ATRX: variants seen among roughly 807,000 people sequenced by gnomAD.
ATRX encodes the protein ATRX chromatin remodeler, also known as chromatin remodeler ATRX.
In ATRX, 12 loss-of-function variants were observed where a neutral mutation model predicts 172.6. The observed-to-expected ratio is 0.07, with a 90% confidence interval of 0.04 to 0.11. ATRX has a LOEUF of 0.11. Ranked by LOEUF, ATRX falls within the 10% of genes least tolerant of loss-of-function variation. ATRX has a pLI of 1.00. For synonymous variants in ATRX, 674 were observed against 594.7 expected, an observed-to-expected ratio of 1.13 and a Z score of -1.94; for missense variants, 1,368 against 1,767.4, an observed-to-expected ratio of 0.77 and a Z score of 4.05.
rs149042349 is a variant in ATRX at position 77,542,163 on chromosome X, A to G, written c.6699+15288T>C. On this transcript the variant is annotated intron_variant, in intron 30 of 34. Transcript: ENST00000373344. ...GTGCAAAAATCACAAGCATTTCTAT[A>G]CACCAATAACAGACAAACATAGAGC... Among the ~76,000 whole-genome samples, 962 of 111,896 alleles carry G rather than the reference A, an allele frequency of 8.6e-3. 12 individuals are homozygous for G. Among genetic ancestry groups the G allele is most frequent in the African/African-American group, 0.03 (919 of 30,808 alleles).
chrX:77,603,955 A>C (rs1013795594), intron 22 of ATRX, among the ~76,000 whole-genome samples: 12 of 112,227 alleles, frequency 1.1e-4, no homozygotes, highest in Non-Finnish European at 2.3e-4. Flanking sequence ...CTGGACCATT[A>C]TCTCTAACCA....
chrX:77,766,337 T>A (rs2075931204), intron 1 of ATRX, among the ~76,000 whole-genome samples: 1 of 109,827 alleles, frequency 9.1e-6, no homozygotes, highest in Non-Finnish European at 1.9e-5. Context: ...CCCACCTCCC[T>A]CCTGGACGGG....
chrX:77,645,130 T>C (rs1405605687), intron 15 of ATRX, among the ~76,000 whole-genome samples: 1 of 111,251 alleles, frequency 9.0e-6, no homozygotes, highest in African/African-American at 3.3e-5. Flanking sequence ...AAAAAAAAGT[T>C]AGCTGAGGAT....
rs2072033020 is a variant in ATRX, at chrX:77,693,708, T to C, written c.484+116A>G. On this transcript the variant is annotated intron_variant, in intron 6 of 34. Transcript: ENST00000373344. ...AGAAACAGAAGTTATATTTAAGTAGTGCTTTTAATAAACAAAAGGCAGAAA... is the reference window on the plus strand; with the variant it reads ...AGAAACAGAAGTTATATTTAAGTAGCGCTTTTAATAAACAAAAGGCAGAAA... 1.3e-5 allele frequency: 7 copies of C among 559,772 alleles called. No individual in the cohort carries two copies. The Admixed American group carries it at 1.6e-4, about 13-fold the overall frequency. The allele number at this position is 559,772 out of a possible 1,213,427, so 46.1% of individuals were successfully genotyped here. A position where few individuals can be genotyped will look rare whatever the true frequency, so the allele number is the denominator to read the frequency against.
In ATRX at chrX:77,636,028, G is replaced by A. The variant is rs1557107890; in HGVS notation, c.4586C>T (p.Thr1529Ile). ...EVIEIEDASP[T>I]KCPITTKLVL... ...CAACTTGGTTGTTATTGGACACTTG[G>A]TGGGTGAAGCATCTTCAATTTCTAT... The change falls in exon 16 of 35, where the codon ACC (threonine) becomes ATC (isoleucine). Residue 1529 changes from threonine to isoleucine, a missense_variant. Physicochemically the swap from Thr to Ile is moderately conservative, Grantham distance 89. Transcript: ENST00000373344. 2 of 1,209,010 alleles carry A rather than the reference G, an allele frequency of 1.7e-6. No homozygotes were observed. The highest frequency in any genetic ancestry group is 3.5e-5 in the African/African-American group (2 of 57,189).
At chrX:77,616,240 A>G in intron 22 of ATRX, 1 of 846,416 alleles carries the variant, frequency 1.2e-6, no homozygotes, top group Non-Finnish European at 1.4e-6. Flanking sequence ...TGAGAAACAA[A>G]CTCATGAATT....
Position 77,683,935 on chromosome X carries a change from T to G in ATRX, c.1321A>C (p.Thr441Pro). The part of the protein sequence containing the change: ...EHKVIDAKFE[T>P]KARKGEKPCA... ...GGTTTTTCTCCTTTTCGTGCTTTTGTTTCAAACTTAGCATCTATGACTTTA... is the reference window on the plus strand; with the variant it reads ...GGTTTTTCTCCTTTTCGTGCTTTTGGTTCAAACTTAGCATCTATGACTTTA... Residue 441 changes from threonine (T) to proline (P), a missense_variant, in exon 9 of 35, where the codon ACA (threonine) becomes CCA (proline). Around this residue, in one of 17 missense-constraint regions of ATRX, gnomAD observed 843 missense variants for 643.1 expected, o/e 1.31. Transcript: ENST00000373344. The G allele has an allele frequency of 8.3e-7, 1 of 1,210,740 alleles. No homozygotes were observed. Among genetic ancestry groups the G allele is most frequent in the Non-Finnish European group, 1.1e-6 (1 of 894,686 alleles).
At chrX:77,597,136 T>C (rs781876110) in intron 25 of ATRX, among the ~76,000 whole-genome samples, 1 of 111,182 alleles carries the variant, frequency 9.0e-6, no homozygotes, top group South Asian at 3.8e-4. Context: ...ATAAAAATAT[T>C]CTTTATATCT....
At chrX:77,739,328 T>C (rs1295334347) in intron 1 of ATRX, among the ~76,000 whole-genome samples, 1 of 110,164 alleles carries the variant, frequency 9.1e-6, no homozygotes, top group African/African-American at 3.3e-5. Context: ...TCATTCATTC[T>C]TATAGCCGGG....
chrX:77,525,542 A>C (rs2063353829), intron 30 of ATRX, among the ~76,000 whole-genome samples: 1 of 112,757 alleles, frequency 8.9e-6, no homozygotes, highest in Non-Finnish European at 1.9e-5. Flanking sequence ...GATAATCTCT[A>C]ATTTTACTTC....
chrX:77,663,845 T>C (rs1557124433), intron 11 of ATRX, among the ~76,000 whole-genome samples: 1 of 111,936 alleles, frequency 8.9e-6, no homozygotes, highest in Non-Finnish European at 1.9e-5. Flanking sequence ...CTCACACCTG[T>C]AATCCCAGCT....
intron 1 of ATRX, among the ~76,000 whole-genome samples, chrX:77,721,635 A>G (rs1443523360): frequency 4.5e-5 from 5 of 111,805 alleles, no homozygotes; most frequent in African/African-American, 1.6e-4. Context: ...GACCTCTTCA[A>G]GGAGAACTAC....
chrX:77,599,767 T>G lies in ATRX; in HGVS notation c.5751A>C (p.Glu1917Asp). The G allele has an allele frequency of 8.3e-7, 1 of 1,210,065 alleles. No individual in the cohort carries two copies. The highest frequency in any genetic ancestry group is 1.1e-6 in the Non-Finnish European group (1 of 894,503). The part of the protein sequence containing the change: ...MDEFIASDSD[E>D]TSMSLSSDDY... ...CATCGGAGCTTAAACTCATGGAGGT[T>G]TCATCAGAATCTGAGGCTATAAATT... Residue 1917 changes from glutamate to aspartate, a missense_variant, in exon 24 of 35, where the codon GAA becomes GAC. Glu to Asp is a conservative substitution (Grantham distance 45). Transcript: ENST00000373344.
At chrX:77,556,208 GGAAAGGGA>G (rs2064777575) in intron 30 of ATRX, among the ~76,000 whole-genome samples, 1 of 61,811 alleles carries the variant, frequency 1.6e-5, no homozygotes, top group African/African-American at 6.5e-5. Context: ...AGGGAGAGGG[GGAAAGGGA>G]GAGAGGGAGA....
intron 34 of ATRX, among the ~76,000 whole-genome samples, chrX:77,515,642 C>A (rs1267224950): frequency 9.0e-6 from 1 of 111,729 alleles, no homozygotes; most frequent in African/African-American, 3.3e-5. Flanking sequence ...AGAGCCATAG[C>A]CTGCTACTAA....
intron 20 of ATRX, among the ~76,000 whole-genome samples, chrX:77,619,340 A>G (rs1557098701): frequency 9.0e-6 from 1 of 111,407 alleles, no homozygotes; most frequent in African/African-American, 3.3e-5. Flanking sequence ...TATCTTGTGA[A>G]GAAAGGAGAT....
At chrX:77,780,592 T>C (rs2076535502) in intron 1 of ATRX, among the ~76,000 whole-genome samples, 1 of 108,681 alleles carries the variant, frequency 9.2e-6, no homozygotes, top group South Asian at 4.2e-4. Context: ...CCTCCCAAAG[T>C]GCTGGGATTA....
intron 6 of ATRX, among the ~76,000 whole-genome samples, chrX:77,693,455 C>T (rs1241605000): frequency 8.9e-6 from 1 of 111,915 alleles, no homozygotes; most frequent in Non-Finnish European, 1.9e-5. Context: ...GTACGTCACT[C>T]TATCCAACTC....
At chrX:77,644,468 T>C (rs376000628) in intron 15 of ATRX, among the ~76,000 whole-genome samples, 5 of 112,045 alleles carry the variant, frequency 4.5e-5, no homozygotes, top group East Asian at 5.6e-4. Context: ...ATACACAATA[T>C]GCAATTTTAA....
Sources: allele counts gnomAD v4.1 joint callset (sites outside exome capture counted in the v4.1 genomes callset), GRCh38; gene constraint gnomAD v4.1.1; regional missense constraint gnomAD v4.1.1; transcripts MANE v1.5; gene names NCBI Gene and HGNC (gene_info 2026-07-23, HGNC 2026-07-21).